LRRC49: variants seen among roughly 807,000 people sequenced by gnomAD.
LRRC49 encodes the protein leucine-rich repeat-containing protein 49.
A neutral mutation model predicts 83.3 loss-of-function variants in LRRC49; 50 were observed. The observed-to-expected ratio is 0.60, with a 90% CI of 0.48 to 0.76. The LOEUF (loss-of-function observed/expected upper bound fraction) is 0.76, where lower values mean the gene tolerates loss of function less well. Ranked by LOEUF, LRRC49 falls within the 30% of genes least tolerant of loss-of-function variation. LRRC49 has a pLI of 0.00. For missense variants in LRRC49, 704 were observed against 809.1 expected (o/e 0.87, Z 1.58); for synonymous variants, 286 against 283.3 (o/e 1.01, Z -0.10).
At chr15:71,026,467 T>C (rs535639378) in intron 14 of LRRC49, among the ~76,000 whole-genome samples, 1 of 152,306 alleles carries the variant, frequency 6.6e-6, no homozygotes, top group African/African-American at 2.4e-5. Flanking sequence ...GTATTTCTGG[T>C]TCTAGATCCT....
intron 1 of LRRC49, among the ~76,000 whole-genome samples, chr15:70,865,157 T>A (rs192335781): frequency 6.6e-6 from 1 of 152,204 alleles, no homozygotes; most frequent in Admixed American, 6.5e-5. Flanking sequence ...GTGGGCCCCA[T>A]GCCTGGCCAT....
At chr15:70,917,848 G>T (rs187566156) in intron 6 of LRRC49, among the ~76,000 whole-genome samples, 36 of 152,230 alleles carry the variant, frequency 2.4e-4, no homozygotes, top group Middle Eastern at 3.4e-3. Context: ...ACAGAATTTG[G>T]GACCCCAGAA....
chr15:70,965,766 C>A (rs2036773062), intron 9 of LRRC49, among the ~76,000 whole-genome samples: 1 of 152,046 alleles, frequency 6.6e-6, no homozygotes, highest in Admixed American at 6.6e-5. Flanking sequence ...TGTGAAGATT[C>A]TCTTTTTCCC....
At chr15:71,020,510 C>T (rs535854592) in intron 14 of LRRC49, among the ~76,000 whole-genome samples, 20 of 152,236 alleles carry the variant, frequency 1.3e-4, no homozygotes, top group African/African-American at 4.8e-4. Flanking sequence ...AAATCTACAC[C>T]TAGTCACATC....
At chr15:71,044,119 C>G (rs559530525) in intron 15 of LRRC49, among the ~76,000 whole-genome samples, 1 of 152,072 alleles carries the variant, frequency 6.6e-6, no homozygotes, top group Non-Finnish European at 1.5e-5. Context: ...TTACTGAGTG[C>G]GAAAAGGGAG....
chr15:70,876,538 A>G (rs1402318948), intron 2 of LRRC49, among the ~76,000 whole-genome samples: 1 of 152,190 alleles, frequency 6.6e-6, no homozygotes, highest in Non-Finnish European at 1.5e-5. Context: ...TAGGTTTCTC[A>G]GGCAACTCAT....
intron 8 of LRRC49, among the ~76,000 whole-genome samples, chr15:70,939,186 A>G (rs2035712156): frequency 6.6e-6 from 1 of 152,098 alleles, no homozygotes; most frequent in Non-Finnish European, 1.5e-5. Context: ...TTGTACTTTC[A>G]TTTTATATTG....
At chr15:70,933,324 T>C (rs995558407) in intron 7 of LRRC49, among the ~76,000 whole-genome samples, 2 of 152,160 alleles carry the variant, frequency 1.3e-5, no homozygotes, top group African/African-American at 4.8e-5. Context: ...GCTATAAATA[T>C]TCCCCTACAT....
At chr15:70,881,891 T>C (rs529823414) in intron 2 of LRRC49, 2 of 152,314 alleles carry the variant, frequency 1.3e-5, no homozygotes, top group South Asian at 2.1e-4. Flanking sequence ...GTAAGAACCA[T>C]AGATTCATCA....
chr15:70,934,131 A>G (rs952514994), intron 7 of LRRC49, among the ~76,000 whole-genome samples: 3 of 152,110 alleles, frequency 2.0e-5, no homozygotes, highest in African/African-American at 7.2e-5. Flanking sequence ...GTACTCCCTG[A>G]ATCTTATATA....
chr15:70,876,894 C>G (rs570885309), intron 2 of LRRC49, among the ~76,000 whole-genome samples: 8 of 152,202 alleles, frequency 5.3e-5, no homozygotes, highest in Non-Finnish European at 1.2e-4. Context: ...AAAGTTCATT[C>G]AGTGCCCAAA....
intron 8 of LRRC49, among the ~76,000 whole-genome samples, chr15:70,955,270 G>T (rs888475734): frequency 2.0e-5 from 3 of 152,106 alleles, no homozygotes; most frequent in African/African-American, 7.2e-5. Context: ...ACAGCCTCAG[G>T]CAGGTCCTTC....
chr15:70,857,114 G>A (rs1444661551), intron 1 of LRRC49, among the ~76,000 whole-genome samples: 1 of 152,110 alleles, frequency 6.6e-6, no homozygotes, highest in Non-Finnish European at 1.5e-5. Context: ...ACTCACAAGG[G>A]GAAACAGCTT....
intron 9 of LRRC49, among the ~76,000 whole-genome samples, chr15:70,979,817 G>A (rs776237543): frequency 6.6e-6 from 1 of 152,062 alleles, no homozygotes; most frequent in Non-Finnish European, 1.5e-5. Context: ...GGAAAATGAT[G>A]CAAACATACT....
intron 7 of LRRC49, 21 bp downstream of exon 7, chr15:70,919,214 G>T: frequency 6.3e-7 from 1 of 1,578,142 alleles, no homozygotes; most frequent in Non-Finnish European, 8.6e-7. Flanking sequence ...AAATGGAGTT[G>T]ATATGTACTT....
At chr15:71,009,648 A>C in intron 12 of LRRC49, 159 bp from the exon 13 acceptor site, 1 of 504,284 alleles carries the variant, frequency 2.0e-6, no homozygotes, top group Non-Finnish European at 3.5e-6. Context: ...AAGTTATGTA[A>C]GTTTAGTACA....
At chr15:70,951,877 G>A (rs960555749) in intron 8 of LRRC49, among the ~76,000 whole-genome samples, 23 of 152,058 alleles carry the variant, frequency 1.5e-4, no homozygotes, top group Non-Finnish European at 1.9e-4. Flanking sequence ...TGCCCATTCA[G>A]TAAGATGACA....
At chr15:70,942,395 C>G (rs182221096) in intron 8 of LRRC49, among the ~76,000 whole-genome samples, 1 of 152,016 alleles carries the variant, frequency 6.6e-6, no homozygotes, top group Non-Finnish European at 1.5e-5. Context: ...GACCAACATA[C>G]GTTTTATGAT....
At chr15:70,905,351 G>T (rs1284116520) in intron 5 of LRRC49, among the ~76,000 whole-genome samples, 1 of 152,062 alleles carries the variant, frequency 6.6e-6, no homozygotes, top group Admixed American at 6.5e-5. Flanking sequence ...GGGCTTTATA[G>T]TAAAATCCAA....
Sources: allele counts gnomAD v4.1 joint callset (sites outside exome capture counted in the v4.1 genomes callset), GRCh38; gene constraint gnomAD v4.1.1; transcripts MANE v1.5; gene names NCBI Gene and HGNC (gene_info 2026-07-23, HGNC 2026-07-21).